Variants in PSMG2 observed in about 807,000 individuals in gnomAD.
PSMG2 encodes proteasome assembly chaperone 2.
A neutral mutation model predicts 31.5 loss-of-function variants in PSMG2; 21 were observed. That is an observed-to-expected ratio of 0.67 (90% CI 0.47 to 0.96). The LOEUF (loss-of-function observed/expected upper bound fraction) is 0.96. Among genes scored for constraint, PSMG2 ranks in the 40% least tolerant of loss-of-function variants. The pLI, the probability that PSMG2 is intolerant of heterozygous loss-of-function variation, is 0.00. For missense variants in PSMG2, 318 were observed against 321.2 expected (o/e 0.99, Z 0.08); for synonymous variants, 120 against 110.4 (o/e 1.09, Z -0.54).
chr18:12,675,124 C>T (rs991470644), intron 1 of PSMG2, among the ~76,000 whole-genome samples: 37 of 152,136 alleles, frequency 2.4e-4, no homozygotes, highest in African/African-American at 8.7e-4. Flanking sequence ...AGGCCGGGTG[C>T]GGTGGCTCAC....
At chr18:12,698,156 TTTTATTTA>T (rs1160293872), upstream of PSMG2, among the ~76,000 whole-genome samples, 2 of 147,040 alleles carry the variant, frequency 1.4e-5, no homozygotes, top group African/African-American at 5.1e-5. Context: ...TGACTTTTTA[TTTTATTTA>T]TATTTATTTG....
chr18:12,695,256 G>T, intron 1 of PSMG2: 3 of 1,411,818 alleles, frequency 2.1e-6, no homozygotes, highest in South Asian at 1.2e-5. Context: ...GTATTTACCT[G>T]TGTGTTCACT....
intron 1 of PSMG2, among the ~76,000 whole-genome samples, chr18:12,704,918 A>T (rs1657089407): frequency 6.6e-6 from 1 of 152,232 alleles, no homozygotes; most frequent in South Asian, 2.1e-4. Flanking sequence ...CCCGAAGGAC[A>T]GAAAACAAAA....
At chr18:12,702,526 G>A (rs143636476), upstream of PSMG2, 65 of 1,608,492 alleles carry the variant, frequency 4.0e-5, 1 homozygote, top group East Asian at 6.3e-4. Context: ...CAGCTCGGAG[G>A]CTTTCTCCGG....
chr18:12,714,935 C>T (rs2040363774), intron 3 of PSMG2, among the ~76,000 whole-genome samples: 1 of 151,330 alleles, frequency 6.6e-6, no homozygotes, highest in Non-Finnish European at 1.5e-5. Context: ...AAACTCCTGA[C>T]CTCAGGTGAT....
upstream of PSMG2, chr18:12,701,231 G>C (rs898804986): frequency 1.4e-6 from 1 of 694,764 alleles, no homozygotes; most frequent in Admixed American, 2.8e-5. Context: ...AATTGAATGG[G>C]AACAAAGGTA....
chr18:12,723,392 A>G (rs2040448494), intron 5 of PSMG2, among the ~76,000 whole-genome samples: 1 of 145,226 alleles, frequency 6.9e-6, no homozygotes, highest in South Asian at 2.1e-4. Context: ...AGACCTAACT[A>G]GATATAGTTA....
intron 3 of PSMG2, among the ~76,000 whole-genome samples, chr18:12,715,981 A>G (rs558751624): frequency 3.3e-5 from 5 of 152,302 alleles, no homozygotes; most frequent in Admixed American, 2.6e-4. Context: ...TCAGTATTCT[A>G]TTGGTGGAAT....
intron 1 of PSMG2, among the ~76,000 whole-genome samples, chr18:12,688,629 A>T (rs563828755): frequency 1.8e-4 from 28 of 152,218 alleles, no homozygotes; most frequent in Non-Finnish European, 3.7e-4. Context: ...AACTGTTTTG[A>T]AAAGTTAATA....
intron 3 of PSMG2, among the ~76,000 whole-genome samples, chr18:12,716,449 A>G (rs896304831): frequency 4.9e-5 from 7 of 142,834 alleles, no homozygotes; most frequent in African/African-American, 1.6e-4. Context: ...GCTGGACCGC[A>G]GTGGCATGAT....
intron 1 of PSMG2, among the ~76,000 whole-genome samples, chr18:12,692,892 G>A (rs1056548885): frequency 2.0e-5 from 3 of 152,088 alleles, no homozygotes; most frequent in African/African-American, 7.2e-5. Flanking sequence ...GCATGATCAT[G>A]GCTCACTGTA....
chr18:12,659,362 AG>A (rs2038647901), intron 1 of PSMG2, among the ~76,000 whole-genome samples: 1 of 152,180 alleles, frequency 6.6e-6, no homozygotes, highest in African/African-American at 2.4e-5. Context: ...CAGGACGAAA[AG>A]GAAAATTAAG....
At chr18:12,705,004 A>G (rs1033872157) in intron 1 of PSMG2, among the ~76,000 whole-genome samples, 2 of 152,190 alleles carry the variant, frequency 1.3e-5, no homozygotes, top group African/African-American at 4.8e-5. Flanking sequence ...AAAATTAGGC[A>G]TGTATTAGAT....
intron 1 of PSMG2, among the ~76,000 whole-genome samples, chr18:12,660,616 C>A (rs565684151): frequency 3.3e-5 from 5 of 151,986 alleles, no homozygotes; most frequent in Admixed American, 1.3e-4. Context: ...CCACTGTGCC[C>A]GGCCAAAAGA....
upstream of PSMG2, among the ~76,000 whole-genome samples, chr18:12,702,051 G>C (rs930409290): frequency 1.3e-5 from 2 of 152,160 alleles, no homozygotes; most frequent in Non-Finnish European, 2.9e-5. Context: ...GCTTAAACCT[G>C]GGAGGCGGAG....
chr18:12,667,281 C>G (rs567849945), intron 1 of PSMG2, among the ~76,000 whole-genome samples: 2 of 151,900 alleles, frequency 1.3e-5, no homozygotes, highest in Admixed American at 6.6e-5. Flanking sequence ...TGAGTGAGAC[C>G]TTGTCTCTAC....
chr18:12,707,150 G>A (rs190872592), intron 2 of PSMG2, among the ~76,000 whole-genome samples: 1 of 152,024 alleles, frequency 6.6e-6, no homozygotes, highest in Non-Finnish European at 1.5e-5. Context: ...GTAGAGACGG[G>A]GGTTTCACTG....
chr18:12,723,829 A>G (rs2040451818), intron 5 of PSMG2, among the ~76,000 whole-genome samples: 1 of 152,162 alleles, frequency 6.6e-6, no homozygotes, highest in African/African-American at 2.4e-5. Flanking sequence ...AGTAGGTTCC[A>G]TTATCATCCC....
chr18:12,688,407 C>T (rs933877236), intron 1 of PSMG2, among the ~76,000 whole-genome samples: 1 of 152,078 alleles, frequency 6.6e-6, no homozygotes, highest in African/African-American at 2.4e-5. Context: ...ATAATGGCCA[C>T]GGCAAATCTA....
Sources: allele counts gnomAD v4.1 joint callset (sites outside exome capture counted in the v4.1 genomes callset), GRCh38; gene constraint gnomAD v4.1.1; transcripts MANE v1.5; gene names NCBI Gene and HGNC (gene_info 2026-07-23, HGNC 2026-07-21).